ANKRD44: variants seen among roughly 807,000 people sequenced by gnomAD.
The protein encoded by ANKRD44 is ankyrin repeat domain 44.
A neutral mutation model predicts 116.0 loss-of-function variants in ANKRD44; 35 were observed. The ratio of observed to expected loss-of-function variants is 0.30; its 90% CI spans 0.23 to 0.40. The LOEUF (loss-of-function observed/expected upper bound fraction) is 0.40, where lower values mean the gene tolerates loss of function less well. ANKRD44 is among the 10% of genes least tolerant of loss of function. The probability of loss-of-function intolerance (pLI) is 1.00; values close to 1 mark genes in which losing one functional copy is unlikely to be tolerated. For missense variants in ANKRD44, 1,014 were observed against 1,242.6 expected (o/e 0.82, Z 2.77); for synonymous variants, 435 against 461.8 (o/e 0.94, Z 0.74).
chr2:197,222,958 G>A (rs544540034), intron 1 of ANKRD44, among the ~76,000 whole-genome samples: 35 of 151,964 alleles, frequency 2.3e-4, no homozygotes, highest in African/African-American at 8.0e-4. Flanking sequence ...GATTATAGGT[G>A]TGTGCCACCA....
At position 197,013,583 on chromosome 2, in the gene ANKRD44, C is replaced by T; in HGVS notation, c.1852G>A (p.Ala618Thr). The change falls in exon 18 of 28, where the codon GCG (alanine) becomes ACG (threonine). Residue 618 changes from alanine (A) to threonine (T), a missense_variant. By Grantham distance (58) the Ala-to-Thr change is moderately conservative. Transcript: ENST00000282272. ...AFKGHTECVE[A>T]LINQGASIFV... ...ATGGATGCGCCCTGATTGATAAGCG[C>T]TTCCACACATTCTGTGTGTCCTTTA... 6.2e-7 allele frequency: 1 copy of T among 1,614,198 alleles called. No individual in the cohort carries two copies. The highest frequency in any genetic ancestry group is 8.5e-7 in the Non-Finnish European group (1 of 1,180,038).
At chr2:197,283,926 T>C (rs1444480862) in intron 1 of ANKRD44, among the ~76,000 whole-genome samples, 2 of 152,188 alleles carry the variant, frequency 1.3e-5, no homozygotes, top group Non-Finnish European at 2.9e-5. Flanking sequence ...AATAGCTCAG[T>C]GATATCAGTA....
At chr2:197,282,259 AT>A (rs879395855) in intron 1 of ANKRD44, among the ~76,000 whole-genome samples, 15 of 151,740 alleles carry the variant, frequency 9.9e-5, no homozygotes, top group Non-Finnish European at 1.9e-4. Flanking sequence ...TCTCAAAAAA[AT>A]ATATATATAT....
intron 16 of ANKRD44, among the ~76,000 whole-genome samples, chr2:197,046,016 C>T (rs772389886): frequency 1.1e-4 from 17 of 152,182 alleles, no homozygotes; most frequent in Non-Finnish European, 1.6e-4. Flanking sequence ...TAGAAACATA[C>T]GTAAATCATG....
At chr2:197,117,661 G>A (rs1454291042) in intron 8 of ANKRD44, among the ~76,000 whole-genome samples, 1 of 151,658 alleles carries the variant, frequency 6.6e-6, no homozygotes, top group South Asian at 2.1e-4. Context: ...GAGCCACCAC[G>A]CCTGGCCTCT....
At chr2:197,111,824 G>A (rs2078575219) in intron 8 of ANKRD44, among the ~76,000 whole-genome samples, 1 of 151,802 alleles carries the variant, frequency 6.6e-6, no homozygotes, top group African/African-American at 2.4e-5. Flanking sequence ...TTCCAAAAGA[G>A]AATCTCTTAC....
chr2:197,035,797 C>CG (rs2076796479), intron 16 of ANKRD44, among the ~76,000 whole-genome samples: 1 of 152,040 alleles, frequency 6.6e-6, no homozygotes, highest in South Asian at 2.1e-4. Flanking sequence ...CAGCCCAGAA[C>CG]GGGGGGCTGA....
intron 3 of ANKRD44, among the ~76,000 whole-genome samples, chr2:197,140,116 A>G (rs552962069): frequency 2.9e-5 from 4 of 136,546 alleles, no homozygotes; most frequent in Admixed American, 1.4e-4. Context: ...TCCTGACCTC[A>G]GGTGATCTAC....
At chr2:197,051,251 A>G (rs2077101594) in intron 16 of ANKRD44, among the ~76,000 whole-genome samples, 1 of 152,122 alleles carries the variant, frequency 6.6e-6, no homozygotes, top group African/African-American at 2.4e-5. Context: ...ATGAGCCACC[A>G]TGCCTGGCTA....
At chr2:196,998,802 C>T (rs1039531066) in intron 24 of ANKRD44, 105 bp downstream of exon 24, 2 of 1,462,304 alleles carry the variant, frequency 1.4e-6, no homozygotes, top group Admixed American at 4.6e-5. Context: ...CTGCTAATGG[C>T]CCTTTTCCAC....
intron 1 of ANKRD44, among the ~76,000 whole-genome samples, chr2:197,195,192 G>A (rs942302721): frequency 4.6e-5 from 7 of 152,078 alleles, no homozygotes; most frequent in African/African-American, 1.7e-4. Context: ...TGTTGCCCAG[G>A]CTGCTCTTGA....
At chr2:197,263,069 A>C in intron 1 of ANKRD44, 2 of 418,944 alleles carry the variant, frequency 4.8e-6, no homozygotes, top group Non-Finnish European at 9.0e-6. Flanking sequence ...TCTTCCCTGC[A>C]CTGGGCCCAG....
chr2:197,164,815 A>G (rs1241671540), intron 2 of ANKRD44, among the ~76,000 whole-genome samples: 1 of 151,134 alleles, frequency 6.6e-6, no homozygotes, highest in Non-Finnish European at 1.5e-5. Context: ...CTGGGTTTTG[A>G]GGGTTTTTTT....
At chr2:197,034,762 G>A (rs1373476991) in intron 16 of ANKRD44, among the ~76,000 whole-genome samples, 1 of 151,866 alleles carries the variant, frequency 6.6e-6, no homozygotes, top group East Asian at 1.9e-4. Flanking sequence ...AAAATAATCA[G>A]ATTTGAGGTT....
At chr2:197,227,242 C>T (rs549813631) in intron 1 of ANKRD44, among the ~76,000 whole-genome samples, 6 of 152,330 alleles carry the variant, frequency 3.9e-5, no homozygotes, top group African/African-American at 1.2e-4. Flanking sequence ...TAAAAGCCTT[C>T]ATATAAAGAA....
At chr2:197,062,763 G>T (rs2077343627) in intron 16 of ANKRD44, among the ~76,000 whole-genome samples, 1 of 152,378 alleles carries the variant, frequency 6.6e-6, no homozygotes, top group African/African-American at 2.4e-5. Context: ...TGGCAGCAAG[G>T]CTGGGGGAGG....
intron 1 of ANKRD44, among the ~76,000 whole-genome samples, chr2:197,265,592 T>G (rs986312822): frequency 1.3e-5 from 2 of 152,176 alleles, no homozygotes; most frequent in Non-Finnish European, 2.9e-5. Flanking sequence ...CTCTTTTTTT[T>G]CTTTACTGTC....
intron 1 of ANKRD44, among the ~76,000 whole-genome samples, chr2:197,273,969 AAAAAAAAAAAAAT>A (rs2082975340): frequency 4.2e-5 from 2 of 47,254 alleles, no homozygotes; most frequent in African/African-American, 1.5e-4. Flanking sequence ...ACAAAAAAAA[AAAAAAAAAAAAAT>A]ATATATATAT....
intron 2 of ANKRD44, among the ~76,000 whole-genome samples, chr2:197,167,035 T>C (rs1410586689): frequency 2.6e-5 from 4 of 152,234 alleles, no homozygotes; most frequent in African/African-American, 4.8e-5. Context: ...GGTATTTTTG[T>C]TTATAAATCA....
Sources: gnomAD v4.1 joint callset for allele counts (sites outside exome capture counted in the v4.1 genomes callset) on GRCh38, gnomAD v4.1.1 for gene constraint, MANE v1.5 for transcripts, NCBI Gene and HGNC (gene_info 2026-07-23, HGNC 2026-07-21) for gene names.